The following CNTNAP5 variants were observed in gnomAD, a reference collection of about 807,000 sequenced individuals.
The protein encoded by CNTNAP5 is contactin associated protein family member 5.
Under a neutral mutation model 150.2 loss-of-function variants are expected in CNTNAP5, and 72 were observed. The observed-to-expected ratio is 0.48, with a 90% CI of 0.40 to 0.58. The LOEUF (loss-of-function observed/expected upper bound fraction) is 0.58. Ranked by LOEUF, CNTNAP5 falls within the 20% of genes least tolerant of loss-of-function variation. The pLI, the probability that CNTNAP5 is intolerant of heterozygous loss-of-function variation, is 0.00. For synonymous variants in CNTNAP5, 672 were observed against 619.8 expected (o/e 1.08, Z -1.25); for missense variants, 1,636 against 1,626.2 (o/e 1.01, Z -0.10).
At chr2:124,907,454 T>A (rs1023135745) in intron 22 of CNTNAP5, among the ~76,000 whole-genome samples, 1 of 149,750 alleles carries the variant, frequency 6.7e-6, no homozygotes, top group Non-Finnish European at 1.5e-5. Flanking sequence ...TATATTATTA[T>A]AGTATACAAT....
intron 1 of CNTNAP5, among the ~76,000 whole-genome samples, chr2:124,217,940 T>A (rs1280906588): frequency 6.6e-6 from 1 of 152,128 alleles, no homozygotes; most frequent in Non-Finnish European, 1.5e-5. Flanking sequence ...AATCATCCAA[T>A]CAAGAGAAGA....
rs201177481 is a variant in CNTNAP5, at chr2:124,316,343, G to C, written c.381+73950G>C. The stretch of plus-strand genomic sequence containing the variant: ...GAAACCAGATAAATTTTCTTCCTGT[G>C]AAGTTGCCTAATATCTCTTTAACTC... On this transcript the variant is annotated intron_variant, in intron 3 of 23. Transcript: ENST00000682447. 6.6e-5 allele frequency among the ~76,000 whole-genome samples: 10 copies of C among 152,168 alleles called. No individual in the cohort carries two copies. The East Asian group carries it at 1.9e-3, about 29-fold the overall frequency.
At position 124,135,380 on chromosome 2, in the gene CNTNAP5, G is replaced by A. The variant is rs377167028; in HGVS notation, c.83-86325G>A. Among the ~76,000 whole-genome samples the A allele has an allele frequency of 1.2e-3, 181 of 152,258 alleles. 1 individual carries two copies. Among genetic ancestry groups the A allele is most frequent in the African/African-American group, 4.0e-3 (167 of 41,536 alleles). ...AAGCAAAGGGACCTTGGGCTGGCCC[G>A]TACTTCTTTGGACCTCAGTCATTCC... On this transcript the variant is annotated intron_variant, in intron 1 of 23. Coordinates refer to ENST00000682447, the MANE Select transcript of CNTNAP5 (RefSeq NM_001367498.1).
At chr2:124,408,401 C>G (rs1203335296) in intron 3 of CNTNAP5, among the ~76,000 whole-genome samples, 1 of 152,204 alleles carries the variant, frequency 6.6e-6, no homozygotes. Flanking sequence ...GGAGGCCTGC[C>G]TGCCTCTGTA....
intron 3 of CNTNAP5, among the ~76,000 whole-genome samples, chr2:124,256,524 C>T (rs750689708): frequency 3.9e-5 from 6 of 152,000 alleles, no homozygotes; most frequent in Non-Finnish European, 8.8e-5. Flanking sequence ...TACAATAAGG[C>T]AGTACTGTAG....
rs1573685552 is a variant in CNTNAP5 at position 124,882,822 on chromosome 2, G to T, written c.3436+13060G>T. On this transcript the variant is annotated intron_variant, in intron 21 of 23. Coordinates refer to ENST00000682447, the MANE Select transcript of CNTNAP5 (RefSeq NM_001367498.1). The stretch of plus-strand genomic sequence containing the variant: ...GGGAGGCCTCACAATCATAGCAGAA[G>T]GTGAAGGAGGAGCAAAGGCACATCT... 2.0e-5 allele frequency among the ~76,000 whole-genome samples: 3 copies of T among 152,092 alleles called. No individual in the cohort carries two copies. The South Asian group carries it at 6.2e-4, about 32-fold the overall frequency.
At chr2:124,170,839 G>T (rs983231326) in intron 1 of CNTNAP5, among the ~76,000 whole-genome samples, 1 of 151,876 alleles carries the variant, frequency 6.6e-6, no homozygotes, top group Non-Finnish European at 1.5e-5. Flanking sequence ...ATAGACAGAG[G>T]GAGTGGAAAG....
At chr2:124,806,778 G>A (rs1293861040) in intron 19 of CNTNAP5, among the ~76,000 whole-genome samples, 2 of 152,154 alleles carry the variant, frequency 1.3e-5, no homozygotes, top group Non-Finnish European at 2.9e-5. Context: ...TCTCACAGCC[G>A]TGTGGTGGGG....
chr2:124,427,768 A>G (rs969017911), intron 4 of CNTNAP5, among the ~76,000 whole-genome samples: 3 of 151,738 alleles, frequency 2.0e-5, no homozygotes, highest in Admixed American at 6.6e-5. Context: ...AACCCATATT[A>G]TTTTATTTTT....
intron 3 of CNTNAP5, among the ~76,000 whole-genome samples, chr2:124,267,338 C>T (rs1236011498): frequency 6.6e-6 from 1 of 152,174 alleles, no homozygotes; most frequent in Non-Finnish European, 1.5e-5. Flanking sequence ...CAAATCCTCA[C>T]CTTTGGGGTC....
intron 13 of CNTNAP5, among the ~76,000 whole-genome samples, chr2:124,702,479 T>C (rs1264944838): frequency 1.3e-5 from 2 of 149,550 alleles, no homozygotes; most frequent in African/African-American, 4.9e-5. Flanking sequence ...AGTAATCCTT[T>C]AGGGATGTGG....
At chr2:124,126,242 T>C (rs1683695263) in intron 1 of CNTNAP5, among the ~76,000 whole-genome samples, 1 of 152,196 alleles carries the variant, frequency 6.6e-6, no homozygotes, top group South Asian at 2.1e-4. Flanking sequence ...ATATCACCAC[T>C]GATCCCACAG....
At chr2:124,239,326 G>C (rs571181981) in intron 2 of CNTNAP5, among the ~76,000 whole-genome samples, 2 of 151,974 alleles carry the variant, frequency 1.3e-5, no homozygotes, top group Non-Finnish European at 2.9e-5. Context: ...ATGCTAATTA[G>C]AATAGATGAA....
At chr2:124,573,077 C>T (rs1447587654) in intron 11 of CNTNAP5, among the ~76,000 whole-genome samples, 2 of 152,136 alleles carry the variant, frequency 1.3e-5, no homozygotes, top group Admixed American at 6.5e-5. Flanking sequence ...GCCACAGAAC[C>T]GGTGGAGTTT....
At chr2:124,856,027 T>C (rs1191274209) in intron 19 of CNTNAP5, among the ~76,000 whole-genome samples, 2 of 152,016 alleles carry the variant, frequency 1.3e-5, no homozygotes, top group East Asian at 3.9e-4. Context: ...TCCACGTTGC[T>C]GCGAATGCCA....
chr2:124,842,175 A>T (rs1451748509), intron 19 of CNTNAP5, among the ~76,000 whole-genome samples: 1 of 152,124 alleles, frequency 6.6e-6, no homozygotes, highest in Non-Finnish European at 1.5e-5. Flanking sequence ...ATTATATATA[A>T]ATAAGAGAAG....
At chr2:124,666,374 TGA>T (rs1309184588) in intron 13 of CNTNAP5, among the ~76,000 whole-genome samples, 1 of 152,174 alleles carries the variant, frequency 6.6e-6, no homozygotes, top group Non-Finnish European at 1.5e-5. Context: ...GTACACTGGG[TGA>T]GAGTGACTTG....
At chr2:124,395,981 C>T (rs565706243) in intron 3 of CNTNAP5, among the ~76,000 whole-genome samples, 4 of 152,270 alleles carry the variant, frequency 2.6e-5, no homozygotes, top group African/African-American at 9.6e-5. Context: ...TGCTACAGTA[C>T]CATGCAGGAA....
chr2:124,657,413 C>G (rs1191202240), intron 13 of CNTNAP5, among the ~76,000 whole-genome samples: 1 of 152,006 alleles, frequency 6.6e-6, no homozygotes, highest in Admixed American at 6.6e-5. Flanking sequence ...TCTCCATTCC[C>G]CATTCAGTAT....
Sources: gnomAD v4.1 joint callset for allele counts (sites outside exome capture counted in the v4.1 genomes callset) on GRCh38, gnomAD v4.1.1 for gene constraint, MANE v1.5 for transcripts, NCBI Gene and HGNC (gene_info 2026-07-23, HGNC 2026-07-21) for gene names.